The following PTPN2 variants were observed in gnomAD, a reference collection of about 807,000 sequenced individuals.
PTPN2 encodes tyrosine-protein phosphatase non-receptor type 2.
Under a neutral mutation model 57.3 loss-of-function variants are expected in PTPN2, and 19 were observed. That is an observed-to-expected ratio of 0.33 (90% CI 0.23 to 0.49). The LOEUF (loss-of-function observed/expected upper bound fraction) is 0.49. Among genes scored for constraint, PTPN2 ranks in the 20% least tolerant of loss-of-function variants. The pLI is 0.99. For missense variants in PTPN2, 358 were observed against 501.1 expected (o/e 0.71, Z 2.73); for synonymous variants, 153 against 164.9 (o/e 0.93, Z 0.55).
At chr18:12,829,541 C>T (rs1342408306) in intron 4 of PTPN2, among the ~76,000 whole-genome samples, 1 of 150,236 alleles carries the variant, frequency 6.7e-6, no homozygotes, top group Non-Finnish European at 1.5e-5. Flanking sequence ...CAGGACCCAA[C>T]CTAAAGACAT....
intron 1 of PTPN2, among the ~76,000 whole-genome samples, chr18:12,866,824 G>A (rs2044010757): frequency 1.3e-5 from 2 of 152,032 alleles, no homozygotes; most frequent in Non-Finnish European, 2.9e-5. Flanking sequence ...CTAACATGGT[G>A]AAACTCCATC....
chr18:12,829,341 C>A (rs1343957054), intron 4 of PTPN2, among the ~76,000 whole-genome samples: 1 of 151,968 alleles, frequency 6.6e-6, no homozygotes, highest in East Asian at 2.0e-4. Context: ...CATGGTAAAA[C>A]CATCTCTACA....
intron 1 of PTPN2, among the ~76,000 whole-genome samples, chr18:12,881,800 G>A (rs574788704): frequency 6.6e-6 from 1 of 152,290 alleles, no homozygotes; most frequent in East Asian, 1.9e-4. Context: ...ACAAGACCCT[G>A]TGCTTCAAGC....
chr18:12,826,189 G>A (rs1256134015), intron 4 of PTPN2, among the ~76,000 whole-genome samples: 3 of 152,150 alleles, frequency 2.0e-5, no homozygotes, highest in Non-Finnish European at 4.4e-5. Flanking sequence ...GATCACCTGA[G>A]ATCAGGAGTT....
At chr18:12,835,438 C>T (rs1028311836) in intron 3 of PTPN2, among the ~76,000 whole-genome samples, 2 of 126,480 alleles carry the variant, frequency 1.6e-5, no homozygotes, top group African/African-American at 5.9e-5. Context: ...TGCAGTGGCA[C>T]TATCTTGCCT....
At chr18:12,819,505 C>T (rs941778885) in intron 5 of PTPN2, among the ~76,000 whole-genome samples, 9 of 151,966 alleles carry the variant, frequency 5.9e-5, no homozygotes, top group African/African-American at 9.7e-5. Flanking sequence ...ACTGACTGTA[C>T]ACAAGCAACA....
intron 4 of PTPN2, among the ~76,000 whole-genome samples, chr18:12,829,300 G>A (rs1439838929): frequency 1.3e-5 from 2 of 152,134 alleles, no homozygotes; most frequent in Non-Finnish European, 2.9e-5. Context: ...CGTATCACTT[G>A]AGGTCAGGAA....
intron 7 of PTPN2, among the ~76,000 whole-genome samples, chr18:12,807,519 G>A (rs559058512): frequency 8.6e-4 from 112 of 130,602 alleles, no homozygotes; most frequent in African/African-American, 1.5e-3. Context: ...GTCAAGATAC[G>A]GAATCAACCT....
chr18:12,823,139 C>CTA (rs533364204), intron 5 of PTPN2, among the ~76,000 whole-genome samples: 44 of 152,154 alleles, frequency 2.9e-4, no homozygotes, highest in African/African-American at 9.4e-4. Context: ...ATCCCTAGTT[C>CTA]TAATTAAAAA....
intron 1 of PTPN2, among the ~76,000 whole-genome samples, chr18:12,876,555 CG>C (rs2145538151): frequency 6.6e-6 from 1 of 152,270 alleles, no homozygotes; most frequent in African/African-American, 2.4e-5. Flanking sequence ...TCTGGATTTC[CG>C]TAATTATAGA....
intron 5 of PTPN2, among the ~76,000 whole-genome samples, chr18:12,822,302 A>G (rs1197154261): frequency 6.6e-6 from 1 of 152,218 alleles, no homozygotes; most frequent in Non-Finnish European, 1.5e-5. Flanking sequence ...GACAGTCAGC[A>G]TTATAACAGT....
At chr18:12,882,268 G>A (rs1301117267) in intron 1 of PTPN2, among the ~76,000 whole-genome samples, 1 of 152,150 alleles carries the variant, frequency 6.6e-6, no homozygotes, top group Non-Finnish European at 1.5e-5. Flanking sequence ...TTTTCAACTA[G>A]GAAAAAATAA....
chr18:12,870,441 GTATATA>G (rs577107678), intron 1 of PTPN2, among the ~76,000 whole-genome samples: 261 of 24,540 alleles, frequency 0.011, 12 homozygotes, highest in Admixed American at 0.013. Flanking sequence ...ATATATATGT[GTATATA>G]TATATATATA....
Position 12,793,827 on chromosome 18 carries a change from T to A in PTPN2, c.*451A>T, listed in dbSNP as rs2041062482. The A allele has an allele frequency of 7.3e-6, 7 of 960,626 alleles. No homozygotes were observed. Among genetic ancestry groups the A allele is most frequent in the Non-Finnish European group, 8.7e-6 (7 of 804,502 alleles). 59.5% of individuals were successfully genotyped at this position (960,626 alleles called of 1,614,324 possible). ...TTAAGAATAAAAGTGTTGATGCCCA[T>A]GTCAATAGTACATTATACATTACAC... On this transcript the variant is annotated 3_prime_UTR_variant, in exon 9 of 9. Coordinates refer to ENST00000309660, the MANE Select transcript of PTPN2 (RefSeq NM_002828.4).
chr18:12,834,936 C>T (rs191125751), intron 3 of PTPN2, among the ~76,000 whole-genome samples: 1 of 152,068 alleles, frequency 6.6e-6, no homozygotes, highest in Non-Finnish European at 1.5e-5. Context: ...ACCTGCCCCC[C>T]ACCCACTGCA....
intron 6 of PTPN2, among the ~76,000 whole-genome samples, chr18:12,815,476 G>T (rs1045000164): frequency 3.3e-5 from 5 of 152,010 alleles, no homozygotes; most frequent in African/African-American, 1.2e-4. Flanking sequence ...GGAAAAGACA[G>T]CAAAAGCCCA....
chr18:12,870,374 CATATATAT>C (rs1299671748), intron 1 of PTPN2, among the ~76,000 whole-genome samples: 479 of 39,480 alleles, frequency 0.012, 33 homozygotes, highest in East Asian at 0.021. Context: ...TGTATATATA[CATATATAT>C]ACGTATATAT....
At chr18:12,861,104 T>A (rs921229626) in intron 1 of PTPN2, among the ~76,000 whole-genome samples, 27 of 152,148 alleles carry the variant, frequency 1.8e-4, no homozygotes, top group African/African-American at 6.3e-4. Flanking sequence ...CCTCCCAAAG[T>A]GCTAGGATTA....
In PTPN2 at chr18:12,831,802, T is replaced by G. The variant is rs573110148; in HGVS notation, c.262-761A>C. Reference sequence around the variant, plus strand: ...AGAGTTAAAAAGGGGCAACAGTCCATGTTACAACAATGCCATGGGGATAAA... The same window carrying G: ...AGAGTTAAAAAGGGGCAACAGTCCAGGTTACAACAATGCCATGGGGATAAA... On this transcript the variant is annotated intron_variant, in intron 3 of 8. Transcript: ENST00000309660. Among the ~76,000 whole-genome samples, 4 of 152,344 alleles carry G rather than the reference T, an allele frequency of 2.6e-5. No individual in the cohort carries two copies. The South Asian group carries it at 8.3e-4, about 32-fold the overall frequency.
Sources: allele counts gnomAD v4.1 joint callset (sites outside exome capture counted in the v4.1 genomes callset), GRCh38; gene constraint gnomAD v4.1.1; transcripts MANE v1.5; gene names NCBI Gene and HGNC (gene_info 2026-07-23, HGNC 2026-07-21).